The following UBP1 variants were observed in gnomAD, a reference collection of about 807,000 sequenced individuals.
UBP1 encodes upstream-binding protein 1.
In UBP1, 22 loss-of-function variants were observed where a neutral mutation model predicts 76.1. The ratio of observed to expected loss-of-function variants is 0.29; its 90% CI spans 0.21 to 0.41. The LOEUF (loss-of-function observed/expected upper bound fraction) is 0.41. Ranked by LOEUF, UBP1 falls within the 10% of genes least tolerant of loss-of-function variation. The pLI is 1.00. For missense variants in UBP1, 436 were observed against 668.1 expected (o/e 0.65, Z 3.83); for synonymous variants, 224 against 237.1 (o/e 0.94, Z 0.51).
chr3:33,397,633 C>T (rs1319828426), intron 11 of UBP1: 1 of 152,052 alleles, frequency 6.6e-6, no homozygotes, highest in Admixed American at 6.6e-5. Context: ...CTGAAACGTG[C>T]AATGTAAAGT....
intron 7 of UBP1, 136 bp from the exon 8 acceptor site, chr3:33,408,933 C>A: frequency 1.1e-6 from 1 of 936,036 alleles, no homozygotes; most frequent in Non-Finnish European, 1.6e-6. Context: ...AAATGCAAAA[C>A]CCCAGCAGTG....
intron 1 of UBP1, among the ~76,000 whole-genome samples, chr3:33,432,822 A>G (rs917963533): frequency 1.8e-4 from 28 of 152,226 alleles, no homozygotes; most frequent in African/African-American, 4.3e-4. Flanking sequence ...TGTAATTTAG[A>G]TAACAGTATT....
intron 11 of UBP1, among the ~76,000 whole-genome samples, chr3:33,398,914 A>G (rs969366464): frequency 6.6e-6 from 1 of 152,226 alleles, no homozygotes; most frequent in Non-Finnish European, 1.5e-5. Flanking sequence ...AAAAGGCTTT[A>G]CTTAATCATA....
chr3:33,397,269 A>G (rs1162391483), intron 11 of UBP1, 134 bp from the exon 12 acceptor site: 1 of 583,580 alleles, frequency 1.7e-6, no homozygotes, highest in Non-Finnish European at 2.8e-6. Context: ...CACATGAACA[A>G]TATAAGAAGA....
At chr3:33,412,685 A>C in intron 4 of UBP1, 37 bp downstream of exon 4, 2 of 1,291,690 alleles carry the variant, frequency 1.5e-6, no homozygotes, top group Non-Finnish European at 2.3e-6. Flanking sequence ...GCTAAACAAT[A>C]CCCTCATCTC....
intron 11 of UBP1, among the ~76,000 whole-genome samples, chr3:33,399,685 G>A (rs763580145): frequency 2.6e-5 from 4 of 152,208 alleles, no homozygotes; most frequent in Non-Finnish European, 5.9e-5. Context: ...AGGGGTAGCA[G>A]GAGGGAGATC....
At chr3:33,424,064 A>C (rs895530784) in intron 2 of UBP1, among the ~76,000 whole-genome samples, 1 of 152,238 alleles carries the variant, frequency 6.6e-6, no homozygotes, top group Non-Finnish European at 1.5e-5. Context: ...ACAAGTAAGG[A>C]AAATTCAGGT....
At chr3:33,396,108 G>T in intron 13 of UBP1, 54 bp downstream of exon 13, 1 of 1,452,598 alleles carries the variant, frequency 6.9e-7, no homozygotes, top group Non-Finnish European at 9.4e-7. Context: ...AGTCCTTTCC[G>T]TTTCTGTCTG....
chr3:33,417,542 GT>G (rs1186275901), intron 2 of UBP1, among the ~76,000 whole-genome samples: 3 of 151,900 alleles, frequency 2.0e-5, no homozygotes, highest in Non-Finnish European at 1.5e-5. Flanking sequence ...ACCAAATTTT[GT>G]TTATCCATTC....
chr3:33,426,043 C>A (rs2045012377), intron 1 of UBP1, among the ~76,000 whole-genome samples: 1 of 84,248 alleles, frequency 1.2e-5, no homozygotes, highest in Non-Finnish European at 2.3e-5. Flanking sequence ...ATATATAGCA[C>A]TTTAAAAACT....
chr3:33,436,373 G>A (rs544347482), intron 1 of UBP1, among the ~76,000 whole-genome samples: 8 of 152,084 alleles, frequency 5.3e-5, no homozygotes, highest in Non-Finnish European at 1.0e-4. Context: ...AATCAACATA[G>A]GAAATCTGTC....
intron 1 of UBP1, among the ~76,000 whole-genome samples, chr3:33,435,187 G>A (rs2045185549): frequency 6.6e-6 from 1 of 152,066 alleles, no homozygotes; most frequent in African/African-American, 2.4e-5. Context: ...ATCATTTCCT[G>A]TACTGCAGCC....
chr3:33,393,765 C>T (rs1018392177), intron 13 of UBP1, among the ~76,000 whole-genome samples: 1 of 152,040 alleles, frequency 6.6e-6, no homozygotes, highest in Non-Finnish European at 1.5e-5. Context: ...AATATAGTTT[C>T]ATGTATTCAA....
At chr3:33,395,750 G>GAAAAAAAAAA (rs61654235) in intron 13 of UBP1, among the ~76,000 whole-genome samples, 143 of 69,650 alleles carry the variant, frequency 2.1e-3, no homozygotes, top group African/African-American at 2.3e-3. Context: ...CAGGAAAATT[G>GAAAAAAAAAA]AAAAAAAAAA....
At chr3:33,409,884 T>C (rs756876700) in intron 5 of UBP1, among the ~76,000 whole-genome samples, 3 of 152,178 alleles carry the variant, frequency 2.0e-5, no homozygotes, top group African/African-American at 4.8e-5. Context: ...AACACTACAG[T>C]AGCTTCCTAT....
chr3:33,427,714 C>T (rs1489105083), intron 1 of UBP1, among the ~76,000 whole-genome samples: 1 of 152,146 alleles, frequency 6.6e-6, no homozygotes, highest in Non-Finnish European at 1.5e-5. Context: ...ACTAACTATC[C>T]ACTAATTCTC....
chr3:33,440,306 GCT>G lies in UBP1; in HGVS notation c.-460_-459del, dbSNP rs1227932269. 2 of 153,010 alleles carry G rather than the reference GCT, an allele frequency of 1.3e-5. No individual in the cohort carries two copies. Among genetic ancestry groups the G allele is most frequent in the Non-Finnish European group, 2.9e-5 (2 of 68,886 alleles). 9.5% of individuals were successfully genotyped at this position (153,010 alleles called of 1,614,324 possible). A position where few individuals can be genotyped will look rare whatever the true frequency, so the allele number is the denominator to read the frequency against. ...GACTCCTTGCCCCCGGCCCGCCCAGGCTCTAGCGCCACACCGCCCCGGCCAAC... is the reference window on the plus strand; with the variant it reads ...GACTCCTTGCCCCCGGCCCGCCCAGGCTAGCGCCACACCGCCCCGGCCAAC... On this transcript the variant is annotated 5_prime_UTR_variant, in exon 1 of 16. Coordinates refer to ENST00000283629, the MANE Select transcript of UBP1 (RefSeq NM_014517.5).
chr3:33,400,534 A>G (rs927213324), intron 10 of UBP1, among the ~76,000 whole-genome samples: 16 of 152,334 alleles, frequency 1.1e-4, no homozygotes, highest in African/African-American at 3.4e-4. Flanking sequence ...CAACATGGAC[A>G]ACATGAACAT....
At chr3:33,413,558 A>AC (rs1316858522) in intron 3 of UBP1, among the ~76,000 whole-genome samples, 1 of 151,866 alleles carries the variant, frequency 6.6e-6, no homozygotes, top group Non-Finnish European at 1.5e-5. Flanking sequence ...AAAAAAAAAA[A>AC]AAAAAAACTT....
Sources: allele counts gnomAD v4.1 joint callset (sites outside exome capture counted in the v4.1 genomes callset), GRCh38; gene constraint gnomAD v4.1.1; transcripts MANE v1.5; gene names NCBI Gene and HGNC (gene_info 2026-07-23, HGNC 2026-07-21).